The following MCF2L variants were observed in gnomAD, a reference collection of about 807,000 sequenced individuals.
MCF2L encodes guanine nucleotide exchange factor DBS.
In MCF2L, 97 loss-of-function variants were observed where a neutral mutation model predicts 153.4. That is an observed-to-expected ratio of 0.63 (90% CI 0.54 to 0.75). MCF2L has a LOEUF of 0.75. Among genes scored for constraint, MCF2L ranks in the 30% least tolerant of loss-of-function variants. MCF2L has a pLI of 0.00. For missense variants in MCF2L, 1,347 were observed against 1,495.2 expected, an observed-to-expected ratio of 0.90 and a Z score of 1.64; for synonymous variants, 659 against 632.2, an observed-to-expected ratio of 1.04 and a Z score of -0.64.
intron 3 of MCF2L, among the ~76,000 whole-genome samples, chr13:113,038,259 A>C (rs1318735951): frequency 6.6e-6 from 1 of 152,072 alleles, no homozygotes; most frequent in Non-Finnish European, 1.5e-5. Context: ...AGGTCAGGAG[A>C]TCGAGATCAT....
chr13:112,968,144 G>GC (rs1374233629), upstream of MCF2L, among the ~76,000 whole-genome samples: 9 of 146,206 alleles, frequency 6.2e-5, no homozygotes, highest in African/African-American at 2.1e-4. Flanking sequence ...GAGTGAGGTG[G>GC]GGGGGGGGGT....
chr13:113,087,017 C>G (rs2034697675), intron 21 of MCF2L, among the ~76,000 whole-genome samples: 1 of 152,172 alleles, frequency 6.6e-6, no homozygotes, highest in Admixed American at 6.5e-5. Context: ...GCTTCACTGT[C>G]CTAGAAGCCC....
At chr13:113,082,029 C>T (rs1022396168) in intron 16 of MCF2L, among the ~76,000 whole-genome samples, 9 of 151,564 alleles carry the variant, frequency 5.9e-5, no homozygotes, top group African/African-American at 1.2e-4. Context: ...GTGTAGACAG[C>T]GAGTGTGCAC....
At chr13:113,026,562 A>G (rs2085322855) in intron 3 of MCF2L, among the ~76,000 whole-genome samples, 2 of 152,160 alleles carry the variant, frequency 1.3e-5, no homozygotes, top group South Asian at 4.1e-4. Context: ...ATCACTGCGC[A>G]TGCCTGTTCG....
chr13:112,945,508 A>T (rs2081628309), intron 2 of MCF2L, among the ~76,000 whole-genome samples: 1 of 152,262 alleles, frequency 6.6e-6, no homozygotes, highest in Non-Finnish European at 1.5e-5. Context: ...ATTTTGATTC[A>T]CTATCTTTGG....
chr13:112,969,524 G>A lies in MCF2L; in HGVS notation c.79+66G>A. 1 of 1,543,942 alleles carries A rather than the reference G, an allele frequency of 6.5e-7. No individual in the cohort carries two copies. Among genetic ancestry groups the A allele is most frequent in the Non-Finnish European group, 8.8e-7 (1 of 1,142,074 alleles). On this transcript the variant is annotated intron_variant, in intron 1 of 29. Coordinates refer to ENST00000535094, the MANE Select transcript of MCF2L (RefSeq NM_001112732.3). The surrounding 1 kb of genome is among the most constrained non-coding windows in gnomAD (Gnocchi z 4.8). ...TTGACATCATGGGCTGAAATGTGGG[G>A]AAATGCGTCTGATTTTTGTAAGCCG...
At chr13:112,975,741 C>A (rs2082191847) in intron 1 of MCF2L, among the ~76,000 whole-genome samples, 1 of 152,192 alleles carries the variant, frequency 6.6e-6, no homozygotes, top group African/African-American at 2.4e-5. Flanking sequence ...GGGGATTTTC[C>A]AGGTAAATGA....
chr13:113,092,122 C>A (rs2035270908), intron 26 of MCF2L, among the ~76,000 whole-genome samples: 1 of 152,236 alleles, frequency 6.6e-6, no homozygotes, highest in African/African-American at 2.4e-5. Flanking sequence ...CTGGGAGAGG[C>A]TATTCTTGTC....
intron 2 of MCF2L, among the ~76,000 whole-genome samples, chr13:112,935,466 A>G (rs928961862): frequency 2.6e-5 from 4 of 152,138 alleles, no homozygotes; most frequent in African/African-American, 4.8e-5. Context: ...CATGTTGGCC[A>G]GGCTGGTCTC....
At chr13:112,971,438 T>A (rs959439399) in intron 1 of MCF2L, among the ~76,000 whole-genome samples, 1 of 151,986 alleles carries the variant, frequency 6.6e-6, no homozygotes, top group African/African-American at 2.4e-5. Flanking sequence ...CTCAGGGCAG[T>A]GGCGGGGCTA....
At chr13:112,923,481 G>A (rs552594470) in intron 2 of MCF2L, among the ~76,000 whole-genome samples, 17 of 152,060 alleles carry the variant, frequency 1.1e-4, no homozygotes, top group Non-Finnish European at 2.1e-4. Flanking sequence ...AGCCAGGATG[G>A]TCTCAATCTC....
At chr13:112,901,585 G>A (rs951551406) in intron 1 of MCF2L, among the ~76,000 whole-genome samples, 8 of 152,232 alleles carry the variant, frequency 5.3e-5, no homozygotes, top group African/African-American at 1.9e-4. Flanking sequence ...TCACCGCCTG[G>A]GAGGGGAAGG....
Position 112,941,971 on chromosome 13 carries a change from G to A in MCF2L, c.169+39600G>A, listed in dbSNP as rs1328820574. Among the ~76,000 whole-genome samples, 1 of 152,206 alleles carries A rather than the reference G, an allele frequency of 6.6e-6. No homozygotes were observed. Among genetic ancestry groups the A allele is most frequent in the Non-Finnish European group, 1.5e-5 (1 of 68,042 alleles). On this transcript the variant is annotated intron_variant, in intron 2 of 29. Transcript: ENST00000375608. This position sits in a 1 kb window ranked among gnomAD's most constrained non-coding sequence, Gnocchi z 4.9. ...GGTCTAGCGGTAACGCCAGCATCTG[G>A]GAAGACGCCCGTTGCCAAGCGGACC...
intron 1 of MCF2L, among the ~76,000 whole-genome samples, chr13:112,999,943 A>C (rs7333734): frequency 2.1e-5 from 2 of 94,456 alleles, no homozygotes; most frequent in Admixed American, 1.1e-4. Context: ...GAATGAAGAC[A>C]CCGGAGGGCC....
intron 2 of MCF2L, among the ~76,000 whole-genome samples, chr13:112,933,805 A>C (rs1320972290): frequency 2.0e-5 from 3 of 152,170 alleles, no homozygotes; most frequent in African/African-American, 4.8e-5. Context: ...TGTGTCCCTG[A>C]CGGCTCTGCC....
rs189644599 is a variant in MCF2L, at chr13:113,072,671, G to A, written c.997-1773G>A. Among the ~76,000 whole-genome samples the A allele has an allele frequency of 2.0e-4, 31 of 152,230 alleles. 1 individual carries two copies. The East Asian group carries it at 3.1e-3, about 15-fold the overall frequency. ...TAGTATTCTTTCTTATCTTTTTGAC[G>A]TCTGCAGGGTCTGTAGTGATATTCC... is the stretch of plus-strand genomic sequence containing the variant. On this transcript the variant is annotated intron_variant, in intron 9 of 29. Transcript: ENST00000535094.
In MCF2L at chr13:112,925,495, C is replaced by T. The variant is rs151128649; in HGVS notation, c.169+23124C>T. On this transcript the variant is annotated intron_variant, in intron 2 of 29. Coordinates refer to the MCF2L transcript ENST00000375608. The stretch of plus-strand genomic sequence containing the variant: ...AACCTCTAGGAGCCTTAAGAGAAAA[C>T]GGGTTAAATAAAGGGCATCATATTC... 8.1e-4 allele frequency among the ~76,000 whole-genome samples: 123 copies of T among 152,282 alleles called. 2 individuals carry two copies. The highest frequency in any genetic ancestry group is 6.8e-3 in the Middle Eastern group (2 of 294).
intron 1 of MCF2L, among the ~76,000 whole-genome samples, chr13:113,008,000 T>A: frequency 6.8e-6 from 1 of 147,212 alleles, no homozygotes; most frequent in East Asian, 2.1e-4. Context: ...CACAGCAACA[T>A]CCACCTCCCA....
chr13:112,915,215 C>T (rs1010951688), intron 2 of MCF2L, among the ~76,000 whole-genome samples: 2 of 151,854 alleles, frequency 1.3e-5, no homozygotes, highest in Non-Finnish European at 2.9e-5. Context: ...CGAGACCACC[C>T]TGGCTAACAC....
Sources: gnomAD v4.1 joint callset for allele counts (sites outside exome capture counted in the v4.1 genomes callset) on GRCh38, gnomAD v4.1.1 for gene constraint, Gnocchi (gnomAD v3.1) non-coding constraint, MANE v1.5 for transcripts, NCBI Gene and HGNC (gene_info 2026-07-23, HGNC 2026-07-21) for gene names.